CNTNAP2: variants seen among roughly 807,000 people sequenced by gnomAD.
The protein encoded by CNTNAP2 is contactin associated protein 2, also known as contactin-associated protein-like 2.
A neutral mutation model predicts 155.2 loss-of-function variants in CNTNAP2; 98 were observed. The observed-to-expected ratio is 0.63, with a 90% CI of 0.54 to 0.75. The LOEUF is 0.75. Among genes scored for constraint, CNTNAP2 ranks in the 30% least tolerant of loss-of-function variants. The pLI, the probability that CNTNAP2 is intolerant of heterozygous loss-of-function variation, is 0.00. For missense variants in CNTNAP2, 1,727 were observed against 1,688.1 expected (o/e 1.02, Z -0.40); for synonymous variants, 651 against 631.2 (o/e 1.03, Z -0.47).
At chr7:146,819,877 TG>T (rs1387787431) in intron 2 of CNTNAP2, among the ~76,000 whole-genome samples, 4 of 152,148 alleles carry the variant, frequency 2.6e-5, no homozygotes, top group Non-Finnish European at 5.9e-5. Flanking sequence ...GCTGTCAGGA[TG>T]TTCTGAGAAT....
chr7:146,300,093 A>G (rs1013004382), intron 1 of CNTNAP2, among the ~76,000 whole-genome samples: 43 of 152,326 alleles, frequency 2.8e-4, no homozygotes, highest in African/African-American at 9.4e-4. Context: ...ATTTGCAGTT[A>G]TCAAGAAATG....
chr7:148,123,633 CAGGA>C (rs35150868), intron 16 of CNTNAP2, among the ~76,000 whole-genome samples: 36,078 of 117,980 alleles, frequency 0.31, 5,669 homozygotes, highest in East Asian at 0.44. Flanking sequence ...GAAGGGAGAG[CAGGA>C]AGGAAGGAAG....
chr7:147,564,485 A>G (rs1185952228), intron 12 of CNTNAP2, among the ~76,000 whole-genome samples: 5 of 152,158 alleles, frequency 3.3e-5, no homozygotes, highest in Non-Finnish European at 5.9e-5. Context: ...TTCTCCTAAT[A>G]TATGAAAATA....
At chr7:147,384,689 C>A (rs939769022) in intron 9 of CNTNAP2, among the ~76,000 whole-genome samples, 2 of 152,098 alleles carry the variant, frequency 1.3e-5, no homozygotes, top group Admixed American at 6.6e-5. Context: ...TAAATGTAAT[C>A]CAAATTAGAG....
chr7:147,309,117 A>G (rs1419308096), intron 9 of CNTNAP2, among the ~76,000 whole-genome samples: 1 of 152,156 alleles, frequency 6.6e-6, no homozygotes, highest in South Asian at 2.1e-4. Flanking sequence ...CAACAATACT[A>G]CTGGGGTTGG....
At chr7:146,752,907 A>G (rs1023171394) in intron 1 of CNTNAP2, among the ~76,000 whole-genome samples, 1 of 152,196 alleles carries the variant, frequency 6.6e-6, no homozygotes, top group South Asian at 2.1e-4. Context: ...ATAAATCTCA[A>G]GTAAATCTGG....
chr7:148,217,879 C>T (rs1795673895), intron 19 of CNTNAP2, among the ~76,000 whole-genome samples: 1 of 152,260 alleles, frequency 6.6e-6, no homozygotes, highest in African/African-American at 2.4e-5. Context: ...AATCCCAGCA[C>T]TTTGGGAGGC....
intron 1 of CNTNAP2, among the ~76,000 whole-genome samples, chr7:146,285,713 C>T (rs1800315868): frequency 1.6e-5 from 1 of 61,548 alleles, no homozygotes; most frequent in African/African-American, 7.5e-5. Flanking sequence ...CCCCTCCCCT[C>T]CCCTCCCCTC....
intron 21 of CNTNAP2, among the ~76,000 whole-genome samples, chr7:148,321,313 A>G (rs552740059): frequency 2.1e-4 from 32 of 152,312 alleles, no homozygotes; most frequent in African/African-American, 7.5e-4. Flanking sequence ...TCCAGCACAA[A>G]AAAACCTTCA....
At chr7:146,821,085 T>C (rs1024973146) in intron 2 of CNTNAP2, among the ~76,000 whole-genome samples, 7 of 152,196 alleles carry the variant, frequency 4.6e-5, no homozygotes, top group African/African-American at 1.4e-4. Context: ...GTTTCCTGAA[T>C]ACAGCACACT....
intron 4 of CNTNAP2, among the ~76,000 whole-genome samples, chr7:147,053,795 G>T (rs1327936900): frequency 6.6e-6 from 1 of 151,974 alleles, no homozygotes; most frequent in Non-Finnish European, 1.5e-5. Flanking sequence ...TACACATTTT[G>T]GTGCCTGGTT....
intron 10 of CNTNAP2, among the ~76,000 whole-genome samples, chr7:147,460,511 C>A (rs1175058154): frequency 1.3e-5 from 2 of 152,082 alleles, no homozygotes; most frequent in East Asian, 3.9e-4. Flanking sequence ...ATATATTTGG[C>A]CGTAATTGGT....
intron 15 of CNTNAP2, among the ~76,000 whole-genome samples, chr7:148,107,021 AATTGT>A (rs1302273021): frequency 6.6e-6 from 1 of 152,196 alleles, no homozygotes. Context: ...AAAAGTGGGA[AATTGT>A]AGAGCCCTAA....
chr7:148,176,800 C>T (rs1794945994), intron 18 of CNTNAP2, among the ~76,000 whole-genome samples: 1 of 152,160 alleles, frequency 6.6e-6, no homozygotes, highest in East Asian at 1.9e-4. Flanking sequence ...AATTCCTTGG[C>T]ACCCCATCGG....
intron 12 of CNTNAP2, among the ~76,000 whole-genome samples, chr7:147,624,116 T>C (rs1794923447): frequency 2.0e-5 from 3 of 151,958 alleles, no homozygotes; most frequent in Admixed American, 2.0e-4. Flanking sequence ...CAAATCAAAA[T>C]AAAGACTTAA....
chr7:146,838,734 A>C (rs1408811339), intron 2 of CNTNAP2, among the ~76,000 whole-genome samples: 7 of 152,228 alleles, frequency 4.6e-5, no homozygotes, highest in Non-Finnish European at 4.4e-5. Context: ...GATTTATGAA[A>C]TGATTATTAT....
chr7:146,590,180 A>G (rs1435606107), intron 1 of CNTNAP2, among the ~76,000 whole-genome samples: 1 of 152,198 alleles, frequency 6.6e-6, no homozygotes, highest in African/African-American at 2.4e-5. Flanking sequence ...CTACAGGGTC[A>G]TGCCACAAGT....
intron 2 of CNTNAP2, among the ~76,000 whole-genome samples, chr7:146,839,199 G>A (rs530726964): frequency 6.6e-6 from 1 of 151,842 alleles, no homozygotes; most frequent in African/African-American, 2.4e-5. Flanking sequence ...CCTCTCAGTG[G>A]TACAGGAAAT....
intron 11 of CNTNAP2, among the ~76,000 whole-genome samples, chr7:147,531,667 G>A (rs559473067): frequency 6.6e-6 from 1 of 152,320 alleles, no homozygotes; most frequent in East Asian, 1.9e-4. Context: ...CCTGTGATGG[G>A]AGGGGCTGCT....
Sources: gnomAD v4.1 joint callset for allele counts (sites outside exome capture counted in the v4.1 genomes callset) on GRCh38, gnomAD v4.1.1 for gene constraint, MANE v1.5 for transcripts, NCBI Gene and HGNC (gene_info 2026-07-23, HGNC 2026-07-21) for gene names.